Variants in CHAC2 observed in about 807,000 individuals in gnomAD.
The protein encoded by CHAC2 is glutathione-specific gamma-glutamylcyclotransferase 2.
Under a neutral mutation model 16.9 loss-of-function variants are expected in CHAC2, and 20 were observed. The observed-to-expected ratio is 1.18, with a 90% CI of 0.83 to 1.72. The LOEUF is 1.72. Among genes scored for constraint, CHAC2 ranks in the 40% most tolerant of loss-of-function variants. The pLI is 0.00. For synonymous variants in CHAC2, 91 were observed against 77.3 expected, an observed-to-expected ratio of 1.18 and a Z score of -0.93; for missense variants, 269 against 222.2, an observed-to-expected ratio of 1.21 and a Z score of -1.34.
Position 53,767,914 on chromosome 2 carries a change from A to C in CHAC2, c.28A>C (p.Ile10Leu), listed in dbSNP as rs114610623. 2 of 1,613,550 alleles carry C rather than the reference A, an allele frequency of 1.2e-6. No homozygotes were observed. Among genetic ancestry groups the C allele is most frequent in the African/African-American group, 2.7e-5 (2 of 75,038 alleles). The change falls in exon 1 of 3, where the codon ATC (isoleucine) becomes CTC (leucine). Residue 10 changes from isoleucine (I) to leucine (L), a missense_variant. Ile to Leu is a conservative substitution (Grantham distance 5). Coordinates refer to ENST00000295304, the MANE Select transcript of CHAC2 (RefSeq NM_001008708.4). The stretch of plus-strand genomic sequence containing the variant: ...GTGGGTTTTTGGTTACGGGTCCCTG[A>C]TCTGGAAGGTGGATTTCCCCTATCA... Reference protein sequence around the residue: MWVFGYGSLIWKVDFPYQDK... With the variant: MWVFGYGSLLWKVDFPYQDK...
intron 2 of CHAC2, among the ~76,000 whole-genome samples, chr2:53,773,843 T>C (rs1436594223): frequency 1.3e-5 from 2 of 151,564 alleles, no homozygotes; most frequent in Non-Finnish European, 1.5e-5. Context: ...GAGACCAGCC[T>C]GGCCAACGTG....
At chr2:53,770,369 G>C (rs1376726878) in intron 1 of CHAC2, among the ~76,000 whole-genome samples, 2 of 152,168 alleles carry the variant, frequency 1.3e-5, no homozygotes, top group East Asian at 3.9e-4. Flanking sequence ...GGATGATTTA[G>C]GCTCGCTATG....
chr2:53,773,750 T>C (rs1217340506), intron 2 of CHAC2, among the ~76,000 whole-genome samples: 1 of 151,056 alleles, frequency 6.6e-6, no homozygotes, highest in Non-Finnish European at 1.5e-5. Context: ...ATATACAAGA[T>C]ACAGGCAGGC....
At chr2:53,768,216 A>C in intron 1 of CHAC2, 195 bp downstream of exon 1, 1 of 605,654 alleles carries the variant, frequency 1.7e-6, no homozygotes, top group South Asian at 2.5e-5. Context: ...ACTCCTTCCG[A>C]AGCTGCTTAA....
At position 53,769,182 on chromosome 2, in the gene CHAC2, C is replaced by T. The variant is rs190526313; in HGVS notation, c.135+1161C>T. Among the ~76,000 whole-genome samples the T allele has an allele frequency of 1.1e-4, 17 of 152,310 alleles. No individual in the cohort carries two copies. The East Asian group carries it at 3.1e-3, about 28-fold the overall frequency. ...GAATGTTCTAGAACAATATTCAAGA[C>T]ATTAAAGAACTAAGCTAAATTAAAT... On this transcript the variant is annotated intron_variant, in intron 1 of 2. Coordinates refer to ENST00000295304, the MANE Select transcript of CHAC2 (RefSeq NM_001008708.4).
Position 53,770,498 on chromosome 2 carries a change from TAAAAAAAA to T in CHAC2, c.136-1391_136-1384del, listed in dbSNP as rs76201682. ...TGGTACTCCGTGGACGAAGTTTATT[TAAAAAAAA>T]AAAAAAAAAAAAAAAAAGCTTGCAG... is the stretch of plus-strand genomic sequence containing the variant. On this transcript the variant is annotated intron_variant, in intron 1 of 2. Coordinates refer to ENST00000295304, the MANE Select transcript of CHAC2 (RefSeq NM_001008708.4). Among the ~76,000 whole-genome samples the T allele has an allele frequency of 5.4e-5, 6 of 110,540 alleles. No individual in the cohort carries two copies. In the East Asian group the frequency reaches 7.7e-4, roughly 14 times the overall value. 72.5% of individuals were successfully genotyped at this position (110,540 alleles called of 152,430 possible). A position where few individuals can be genotyped will look rare whatever the true frequency, so the allele number is the denominator to read the frequency against.
At chr2:53,768,332 T>G (rs1331324156) in intron 1 of CHAC2, 6 of 260,670 alleles carry the variant, frequency 2.3e-5, no homozygotes, top group Non-Finnish European at 2.9e-5. Flanking sequence ...CTGCAACCTC[T>G]GCCAAAAGAA....
chr2:53,771,107 G>A (rs1673872384), intron 1 of CHAC2, among the ~76,000 whole-genome samples: 1 of 152,162 alleles, frequency 6.6e-6, no homozygotes, highest in Non-Finnish European at 1.5e-5. Context: ...AACTCTGGAG[G>A]TGTGGCCTAA....
intron 1 of CHAC2, among the ~76,000 whole-genome samples, chr2:53,771,382 G>A (rs1177890881): frequency 7.9e-5 from 12 of 152,120 alleles, no homozygotes; most frequent in South Asian, 4.2e-4. Context: ...GTGTCTTGGC[G>A]GGCACCTGTA....
chr2:53,774,324 T>G lies in CHAC2; in HGVS notation c.354T>G (p.Tyr118Ter), dbSNP rs772510906. The change falls in exon 3 of 3, where the codon TAT becomes TAG. Residue 118 changes from tyrosine (Y) to a stop codon, truncating the protein, a stop_gained. Coordinates refer to ENST00000295304, the MANE Select transcript of CHAC2 (RefSeq NM_001008708.4). LOFTEE classifies it high-confidence loss of function. ...LYIGTCDNPD[Y>*]LGPAPLEDIA... The stretch of plus-strand genomic sequence containing the variant: ...TTGGAACATGTGATAATCCTGATTA[T>G]CTTGGTCCTGCACCTCTGGAAGACA... 5.0e-6 allele frequency: 8 copies of G among 1,613,812 alleles called. No individual in the cohort carries two copies. The highest frequency in any genetic ancestry group is 6.8e-6 in the Non-Finnish European group (8 of 1,179,926).
chr2:53,767,850 G>A lies in CHAC2; in HGVS notation c.-37G>A. 1 of 1,579,482 alleles carries A rather than the reference G, an allele frequency of 6.3e-7. No homozygotes were observed. The highest frequency in any genetic ancestry group is 8.6e-7 in the Non-Finnish European group (1 of 1,161,784). On this transcript the variant is annotated 5_prime_UTR_variant, in exon 1 of 3. Coordinates refer to ENST00000295304, the MANE Select transcript of CHAC2 (RefSeq NM_001008708.4). The stretch of plus-strand genomic sequence containing the variant: ...GTCCCCGGCGGCGCGGCGACAGCTA[G>A]GGTTCACGGCCACTGGGGCAGAGGA...
intron 1 of CHAC2, 60 bp downstream of exon 1, chr2:53,768,081 C>T: frequency 1.3e-6 from 2 of 1,584,332 alleles, no homozygotes; most frequent in Non-Finnish European, 8.6e-7. Context: ...CCCAACTCCA[C>T]ACACAGCACC....
Position 53,774,386 on chromosome 2 carries a change from G to A in CHAC2, c.416G>A (p.Gly139Glu), listed in dbSNP as rs767990230. Residue 139 changes from glycine to glutamate, a missense_variant, in exon 3 of 3, where the codon GGA becomes GAA. Gly to Glu is a moderately conservative substitution (Grantham distance 98). Coordinates refer to ENST00000295304, the MANE Select transcript of CHAC2 (RefSeq NM_001008708.4). ...EQIFNAAGPSGRNTEYLFELA... is the reference protein window; with the variant it reads ...EQIFNAAGPSERNTEYLFELA... The stretch of plus-strand genomic sequence containing the variant: ...ATTTTTAATGCAGCTGGTCCAAGTG[G>A]AAGAAATACAGAATATCTTTTTGAA... The A allele has an allele frequency of 1.2e-6, 2 of 1,613,380 alleles. No individual in the cohort carries two copies. Among genetic ancestry groups the A allele is most frequent in the Admixed American group, 1.7e-5 (1 of 59,870 alleles).
In CHAC2 at chr2:53,774,332, C is replaced by G; in HGVS notation, c.362C>G (p.Pro121Arg). 1 of 1,613,598 alleles carries G rather than the reference C, an allele frequency of 6.2e-7. No individual in the cohort carries two copies. Among genetic ancestry groups the G allele is most frequent in the African/African-American group, 1.3e-5 (1 of 75,028 alleles). The change falls in exon 3 of 3, where the codon CCT becomes CGT. Residue 121 changes from proline to arginine, a missense_variant. Physicochemically the swap from Pro to Arg is moderately radical, Grantham distance 103. Transcript: ENST00000295304. ...TGTGATAATCCTGATTATCTTGGTC[C>G]TGCACCTCTGGAAGACATTGCTGAA... Reference protein sequence around the residue: ...GTCDNPDYLGPAPLEDIAEQI... With the variant: ...GTCDNPDYLGRAPLEDIAEQI...
At chr2:53,772,693 TTG>T (rs1558575019) in intron 2 of CHAC2, among the ~76,000 whole-genome samples, 1 of 150,420 alleles carries the variant, frequency 6.6e-6, no homozygotes, top group Non-Finnish European at 1.5e-5. Context: ...CACCTGTGTG[TTG>T]TGTTTTGTGT....
chr2:53,774,651 C>A lies in CHAC2; in HGVS notation c.*126C>A. ...AACTTTTATTTTAACTGGAAATGTC[C>A]TGAAACACATATTTAAAATATTGGG... On this transcript the variant is annotated 3_prime_UTR_variant, in exon 3 of 3. Coordinates refer to ENST00000295304, the MANE Select transcript of CHAC2 (RefSeq NM_001008708.4). 1 of 667,302 alleles carries A rather than the reference C, an allele frequency of 1.5e-6. No homozygotes were observed. Among genetic ancestry groups the A allele is most frequent in the Non-Finnish European group, 2.3e-6 (1 of 437,034 alleles). 41.3% of individuals were successfully genotyped at this position (667,302 alleles called of 1,614,324 possible).
At chr2:53,769,762 C>T (rs542099311) in intron 1 of CHAC2, among the ~76,000 whole-genome samples, 114 of 152,290 alleles carry the variant, frequency 7.5e-4, no homozygotes, top group African/African-American at 2.6e-3. Flanking sequence ...GCAGGAGAAT[C>T]GCTTGGGAGG....
Position 53,769,103 on chromosome 2 carries a change from G to A in CHAC2, c.135+1082G>A, listed in dbSNP as rs115450313. Reference sequence around the variant, plus strand: ...TGACCTGAAAAGGGGCAATGGCTTAGGATAAATGCACATTTACAGATCAAC... The same window carrying A: ...TGACCTGAAAAGGGGCAATGGCTTAAGATAAATGCACATTTACAGATCAAC... On this transcript the variant is annotated intron_variant, in intron 1 of 2. Coordinates refer to ENST00000295304, the MANE Select transcript of CHAC2 (RefSeq NM_001008708.4). Among the ~76,000 whole-genome samples, 1,137 of 152,290 alleles carry A rather than the reference G, an allele frequency of 7.5e-3. 17 individuals are homozygous for A. The highest frequency in any genetic ancestry group is 0.026 in the African/African-American group (1,091 of 41,552).
intron 2 of CHAC2, among the ~76,000 whole-genome samples, chr2:53,773,558 G>A (rs887550715): frequency 6.6e-6 from 1 of 152,052 alleles, no homozygotes; most frequent in South Asian, 2.1e-4. Flanking sequence ...AGCCTCCTGA[G>A]TAGCTGGGAT....
Sources: gnomAD v4.1 joint callset for allele counts (sites outside exome capture counted in the v4.1 genomes callset) on GRCh38, gnomAD v4.1.1 for gene constraint, MANE v1.5 for transcripts, NCBI Gene and HGNC (gene_info 2026-07-23, HGNC 2026-07-21) for gene names.